TSPAN12: variants seen among roughly 807,000 people sequenced by gnomAD.
TSPAN12 encodes tetraspanin-12.
In TSPAN12, 19 loss-of-function variants were observed where a neutral mutation model predicts 39.2. That is an observed-to-expected ratio of 0.49 (90% CI 0.34 to 0.71). The LOEUF is 0.71. Ranked by LOEUF, TSPAN12 falls within the 30% of genes least tolerant of loss-of-function variation. The probability of loss-of-function intolerance (pLI) is 0.01; values close to 1 mark genes in which losing one functional copy is unlikely to be tolerated. For synonymous variants in TSPAN12, 119 were observed against 124.8 expected (o/e 0.95, Z 0.31); for missense variants, 314 against 359.9 (o/e 0.87, Z 1.03).
At chr7:120,796,729 T>C (rs1173097261) in intron 7 of TSPAN12, among the ~76,000 whole-genome samples, 1 of 152,162 alleles carries the variant, frequency 6.6e-6, no homozygotes, top group Non-Finnish European at 1.5e-5. Context: ...CATTTCCTTG[T>C]GTGGTCTTAT....
chr7:120,814,077 C>G (rs1180840477), intron 5 of TSPAN12: 2 of 388,676 alleles, frequency 5.1e-6, no homozygotes, highest in South Asian at 1.9e-5. Flanking sequence ...CAAAGCACCA[C>G]TGACATGTAA....
chr7:120,855,654 T>C (rs1794856296), intron 2 of TSPAN12, among the ~76,000 whole-genome samples: 1 of 152,232 alleles, frequency 6.6e-6, no homozygotes, highest in African/African-American at 2.4e-5. Flanking sequence ...GCTGCCATTT[T>C]AGATATTTTC....
At chr7:120,810,663 C>T (rs1011039624) in intron 5 of TSPAN12, 93 bp from the exon 6 acceptor site, 23 of 773,076 alleles carry the variant, frequency 3.0e-5, no homozygotes, top group African/African-American at 1.4e-4. Context: ...CACGTACACA[C>T]GCATACTCGG....
intron 4 of TSPAN12, among the ~76,000 whole-genome samples, chr7:120,835,846 T>C (rs569954313): frequency 2.0e-5 from 3 of 152,270 alleles, no homozygotes; most frequent in Admixed American, 2.0e-4. Context: ...TGAGAAGAAA[T>C]TTCTGGCTAA....
intron 2 of TSPAN12, among the ~76,000 whole-genome samples, chr7:120,850,778 C>T (rs1036533064): frequency 6.6e-6 from 1 of 152,010 alleles, no homozygotes; most frequent in Non-Finnish European, 1.5e-5. Context: ...CAATCTCCCC[C>T]TCCCAGGTTC....
Position 120,788,720 on chromosome 7 carries a change from TC to T in TSPAN12, c.789del (p.Lys264ArgfsTer13), listed in dbSNP as rs1186854857. On this transcript the variant is annotated frameshift_variant, in exon 8 of 8. Coordinates refer to ENST00000222747, the MANE Select transcript of TSPAN12 (RefSeq NM_012338.4). LOFTEE classifies it high-confidence loss of function. ...REPGTDQMMS[L>X]KNDNSQHLSC... ...GACAGGTGCTGAGAGTTGTCATTCT[TC>T]AAGGACATCATTTGGTCTGTCCCCG... is the stretch of plus-strand genomic sequence containing the variant. The T allele has an allele frequency of 6.2e-7, 1 of 1,614,044 alleles. No individual in the cohort carries two copies. The highest frequency in any genetic ancestry group is 8.5e-7 in the Non-Finnish European group (1 of 1,180,018).
intron 5 of TSPAN12, among the ~76,000 whole-genome samples, chr7:120,812,524 T>C (rs1343907394): frequency 1.3e-5 from 2 of 152,242 alleles, no homozygotes; most frequent in African/African-American, 4.8e-5. Flanking sequence ...TTTTTTAAGA[T>C]AGTCATATCG....
intron 4 of TSPAN12, among the ~76,000 whole-genome samples, chr7:120,819,583 T>C (rs1333785272): frequency 6.6e-6 from 1 of 152,178 alleles, no homozygotes; most frequent in Non-Finnish European, 1.5e-5. Flanking sequence ...TATAACACTT[T>C]CTTGGAATAA....
At chr7:120,837,875 A>G (rs1794508283) in intron 4 of TSPAN12, among the ~76,000 whole-genome samples, 1 of 152,150 alleles carries the variant, frequency 6.6e-6, no homozygotes, top group Admixed American at 6.5e-5. Flanking sequence ...GTAACTTAAA[A>G]TTGACCATGC....
intron 4 of TSPAN12, among the ~76,000 whole-genome samples, chr7:120,833,074 T>C (rs1794417010): frequency 6.6e-6 from 1 of 152,230 alleles, no homozygotes; most frequent in South Asian, 2.1e-4. Context: ...GGGATTCTAC[T>C]TTTCCTCATT....
intron 1 of TSPAN12, 96 bp downstream of exon 1, chr7:120,857,724 C>T (rs2116524769): frequency 6.6e-6 from 1 of 152,288 alleles, no homozygotes; most frequent in African/African-American, 2.4e-5. Context: ...GCCCCAGAGC[C>T]AGCCCTTAAG....
chr7:120,840,649 T>C (rs568643498), intron 2 of TSPAN12, among the ~76,000 whole-genome samples: 8 of 152,350 alleles, frequency 5.3e-5, no homozygotes, highest in African/African-American at 1.9e-4. Flanking sequence ...TGCTAAAGTA[T>C]ATAAACTCAT....
chr7:120,843,058 T>G (rs1794608293), intron 2 of TSPAN12, among the ~76,000 whole-genome samples: 1 of 152,118 alleles, frequency 6.6e-6, no homozygotes, highest in Non-Finnish European at 1.5e-5. Flanking sequence ...GAATACAGTT[T>G]AATATTCTGA....
In TSPAN12 at chr7:120,839,022, C is replaced by T. The variant is rs1041744533; in HGVS notation, c.150-110G>A. ...GTTAATAATTCTTTCAATCATGATG[C>T]CTCAAAACTAGTGACTGCATTGTTA... On this transcript the variant is annotated intron_variant, in intron 3 of 7. Coordinates refer to ENST00000222747, the MANE Select transcript of TSPAN12 (RefSeq NM_012338.4). 104 of 1,095,138 alleles carry T rather than the reference C, an allele frequency of 9.5e-5. No homozygotes were observed. The African/African-American group carries it at 1.3e-3, about 14-fold the overall frequency. 67.8% of individuals were successfully genotyped at this position (1,095,138 alleles called of 1,614,324 possible). A position where few individuals can be genotyped will look rare whatever the true frequency, so the allele number is the denominator to read the frequency against.
chr7:120,827,377 C>T (rs1237943298), intron 4 of TSPAN12, among the ~76,000 whole-genome samples: 1 of 152,094 alleles, frequency 6.6e-6, no homozygotes, highest in Non-Finnish European at 1.5e-5. Flanking sequence ...TATATTCATG[C>T]ACATACACTT....
intron 4 of TSPAN12, among the ~76,000 whole-genome samples, chr7:120,827,716 T>C (rs929336156): frequency 1.3e-5 from 2 of 152,198 alleles, no homozygotes; most frequent in African/African-American, 4.8e-5. Context: ...GGAAAGCATA[T>C]CCATTATCTC....
At chr7:120,848,900 C>T (rs1794721607) in intron 2 of TSPAN12, among the ~76,000 whole-genome samples, 2 of 152,128 alleles carry the variant, frequency 1.3e-5, no homozygotes, top group Admixed American at 6.5e-5. Flanking sequence ...TGAACTAAAA[C>T]GAGACTAGGT....
chr7:120,855,788 C>A (rs1794858671), intron 2 of TSPAN12, among the ~76,000 whole-genome samples: 1 of 152,090 alleles, frequency 6.6e-6, no homozygotes, highest in South Asian at 2.1e-4. Flanking sequence ...AAAGGCTGGG[C>A]AATGCCAGCC....
chr7:120,847,099 T>C (rs375085725), intron 2 of TSPAN12, among the ~76,000 whole-genome samples: 34 of 152,290 alleles, frequency 2.2e-4, no homozygotes, highest in Non-Finnish European at 4.6e-4. Context: ...CACTGAATTT[T>C]GAATTTCAGC....
Sources: allele counts gnomAD v4.1 joint callset (sites outside exome capture counted in the v4.1 genomes callset), GRCh38; gene constraint gnomAD v4.1.1; transcripts MANE v1.5; gene names NCBI Gene and HGNC (gene_info 2026-07-23, HGNC 2026-07-21).